GABRA2: variants seen among roughly 807,000 people sequenced by gnomAD.
GABRA2 encodes gamma-aminobutyric acid type A receptor subunit alpha2.
In GABRA2, 16 loss-of-function variants were observed where a neutral mutation model predicts 48.7. That is an observed-to-expected ratio of 0.33 (90% CI 0.22 to 0.50). The LOEUF (loss-of-function observed/expected upper bound fraction) is 0.50, where lower values mean the gene tolerates loss of function less well. Ranked by LOEUF, GABRA2 falls within the 20% of genes least tolerant of loss-of-function variation. The pLI is 0.98. For synonymous variants in GABRA2, 185 were observed against 184.5 expected (o/e 1.00, Z -0.02); for missense variants, 275 against 535.6 (o/e 0.51, Z 4.80).
intron 3 of GABRA2, among the ~76,000 whole-genome samples, chr4:46,342,994 G>C (rs1045469470): frequency 2.0e-5 from 3 of 151,954 alleles, no homozygotes; most frequent in African/African-American, 7.2e-5. Context: ...TATTTATATA[G>C]GGTTAACTAC....
chr4:46,315,289 T>C (rs972912411), intron 4 of GABRA2, among the ~76,000 whole-genome samples: 2 of 151,966 alleles, frequency 1.3e-5, no homozygotes, highest in East Asian at 3.9e-4. Context: ...TCTTCTTTTA[T>C]GCAGTGTCTG....
At chr4:46,313,248 C>T (rs971645343) in intron 4 of GABRA2, among the ~76,000 whole-genome samples, 1 of 150,856 alleles carries the variant, frequency 6.6e-6, no homozygotes, top group Non-Finnish European at 1.5e-5. Context: ...AACACTTAAG[C>T]ACACTTTCAG....
chr4:46,266,203 G>C (rs1044599590), intron 8 of GABRA2, among the ~76,000 whole-genome samples: 6 of 150,334 alleles, frequency 4.0e-5, no homozygotes, highest in Admixed American at 4.0e-4. Context: ...ACATTTTGCT[G>C]ATCTTCTGTC....
chr4:46,329,916 A>G (rs556657817), intron 4 of GABRA2, among the ~76,000 whole-genome samples: 43 of 152,230 alleles, frequency 2.8e-4, no homozygotes, highest in Non-Finnish European at 5.6e-4. Context: ...TTTTTAGGCT[A>G]GATGAATTAA....
rs752693291 is a variant in GABRA2, at chr4:46,386,090, A to G, written c.171T>C (p.Leu57=). The change falls in exon 3 of 10, where the codon CTT becomes CTC. Residue 57 remains leucine (L), a synonymous_variant. Coordinates refer to ENST00000381620, the MANE Select transcript of GABRA2 (RefSeq NM_000807.4). ...TATTTTTACCTCCCAGTCCTGGTCT[A>G]AGCCGATTATCGTAACCATCCAGAA... ...DRLLDGYDNR[L]RPGLGDSITE... 1.2e-6 allele frequency: 2 copies of G among 1,608,390 alleles called. No homozygotes were observed. Among genetic ancestry groups the G allele is most frequent in the South Asian group, 2.2e-5 (2 of 90,616 alleles).
intron 3 of GABRA2, among the ~76,000 whole-genome samples, chr4:46,374,770 G>T (rs113454034): frequency 6.6e-6 from 1 of 151,386 alleles, no homozygotes; most frequent in Non-Finnish European, 1.5e-5. Context: ...TTTTTATTAC[G>T]TTTTAAATCA....
At chr4:46,316,905 C>A (rs1398298809) in intron 4 of GABRA2, among the ~76,000 whole-genome samples, 1 of 151,852 alleles carries the variant, frequency 6.6e-6, no homozygotes, top group African/African-American at 2.4e-5. Flanking sequence ...CTCCAATGCA[C>A]AAGCCCATTT....
chr4:46,263,070 C>A (rs895439401), intron 8 of GABRA2, among the ~76,000 whole-genome samples: 2 of 151,662 alleles, frequency 1.3e-5, no homozygotes, highest in Admixed American at 1.3e-4. Context: ...GACAAATACA[C>A]ACGTACATAT....
chr4:46,339,515 T>G (rs181770375), intron 3 of GABRA2, among the ~76,000 whole-genome samples: 21 of 151,962 alleles, frequency 1.4e-4, no homozygotes, highest in Middle Eastern at 3.4e-3. Flanking sequence ...TCACAGTCAT[T>G]TAAAGTAGAC....
At chr4:46,383,413 A>G (rs550241491) in intron 3 of GABRA2, among the ~76,000 whole-genome samples, 1 of 152,338 alleles carries the variant, frequency 6.6e-6, no homozygotes, top group African/African-American at 2.4e-5. Context: ...TCAGCCAGAT[A>G]TGGGTAGTCC....
At position 46,244,958 on chromosome 4, in the gene GABRA2, C is replaced by T. The variant is rs912659554; in HGVS notation, c.*5350G>A. ...ATGGCTCCCTTATTGAATGAATATT[C>T]CCCAAAAGGCATGAATATAAATTTG... On this transcript the variant is annotated 3_prime_UTR_variant, in exon 10 of 10. Transcript: ENST00000381620. Among the ~76,000 whole-genome samples, 3 of 151,192 alleles carry T rather than the reference C, an allele frequency of 2.0e-5. No homozygotes were observed. The highest frequency in any genetic ancestry group is 7.3e-5 in the African/African-American group (3 of 41,306).
rs1718007241 is a variant in GABRA2 at position 46,389,843 on chromosome 4, G to GAC, written c.-120_-119insGT. ...AGAGAGAGAGAGAGAGAGAGAGAGAGAGAGAGAGAGAGAGAGAGACCGAGA... is the reference window on the plus strand; with the variant it reads ...AGAGAGAGAGAGAGAGAGAGAGAGAGACAGAGAGAGAGAGAGAGAGACCGAGA... On this transcript the variant is annotated 5_prime_UTR_variant, in exon 1 of 10. Coordinates refer to ENST00000381620, the MANE Select transcript of GABRA2 (RefSeq NM_000807.4). 1.0e-6 allele frequency: 1 copy of GAC among 977,920 alleles called. No individual in the cohort carries two copies. Among genetic ancestry groups the GAC allele is most frequent in the African/African-American group, 1.8e-5 (1 of 55,110 alleles). 60.6% of individuals were successfully genotyped at this position (977,920 alleles called of 1,614,324 possible). A position where few individuals can be genotyped will look rare whatever the true frequency, so the allele number is the denominator to read the frequency against.
In GABRA2 at chr4:46,245,934, C is replaced by T. The variant is rs528729330; in HGVS notation, c.*4374G>A. 3.3e-5 allele frequency among the ~76,000 whole-genome samples: 5 copies of T among 151,128 alleles called. No individual in the cohort carries two copies. In the South Asian group the frequency reaches 6.2e-4, roughly 19 times the overall value. Reference sequence around the variant, plus strand: ...AACAAACAAAAATAGAATATTTCAACTTAACAAGATGGAAGACACAGTGGT... The same window carrying T: ...AACAAACAAAAATAGAATATTTCAATTTAACAAGATGGAAGACACAGTGGT... On this transcript the variant is annotated 3_prime_UTR_variant, in exon 10 of 10. Transcript: ENST00000381620.
In GABRA2 at chr4:46,330,585, TATATATAG is replaced by T. The variant is rs1320496383; in HGVS notation, c.255+2022_255+2029del. Among the ~76,000 whole-genome samples, 80 of 117,666 alleles carry T rather than the reference TATATATAG, an allele frequency of 6.8e-4. 1 individual carries two copies. The highest frequency in any genetic ancestry group is 1.1e-3 in the Non-Finnish European group (60 of 54,286). The allele number at this position is 117,666 out of a possible 152,430, so 77.2% of individuals were successfully genotyped here. A position where few individuals can be genotyped will look rare whatever the true frequency, so the allele number is the denominator to read the frequency against. Reference sequence around the variant, plus strand: ...ATGCATATATATATATATATATATATATATATAGAGAGAGAGAGAGAGAGATGTTTTAG... The same window carrying T: ...ATGCATATATATATATATATATATATAGAGAGAGAGAGAGAGATGTTTTAG... On this transcript the variant is annotated intron_variant, in intron 4 of 9. Transcript: ENST00000381620.
Position 46,388,639 on chromosome 4 carries a change from G to T in GABRA2, c.68C>A (p.Ala23Asp). ...TCAAATACAATAAATATCTCACCTG[G>T]CAGGGTCCCACACCAAGAAAACAAA... The part of the protein sequence containing the change: ...LLFVFLVWDP[A>D]RLVLANIQED... Residue 23 changes from alanine (A) to aspartate (D), a missense_variant, in exon 2 of 10, where the codon GCC becomes GAC. By Grantham distance (126) the Ala-to-Asp change is moderately radical. Coordinates refer to ENST00000381620, the MANE Select transcript of GABRA2 (RefSeq NM_000807.4). The T allele has an allele frequency of 6.2e-7, 1 of 1,613,860 alleles. No homozygotes were observed. Among genetic ancestry groups the T allele is most frequent in the East Asian group, 2.2e-5 (1 of 44,846 alleles).
intron 8 of GABRA2, among the ~76,000 whole-genome samples, chr4:46,300,838 T>G (rs1380494667): frequency 6.6e-6 from 1 of 152,234 alleles, no homozygotes; most frequent in South Asian, 2.1e-4. Flanking sequence ...TCTTTCTTCC[T>G]TTTTATACTG....
At chr4:46,302,667 TA>T (rs1008817321) in intron 8 of GABRA2, 3 of 152,180 alleles carry the variant, frequency 2.0e-5, no homozygotes, top group African/African-American at 7.2e-5. Context: ...ATTCTCCTTA[TA>T]GGGGGCTCCA....
intron 9 of GABRA2, among the ~76,000 whole-genome samples, chr4:46,253,639 A>G (rs1307395427): frequency 2.0e-5 from 3 of 151,544 alleles, no homozygotes; most frequent in Admixed American, 1.3e-4. Context: ...TTGGCTTCAA[A>G]GTGCTCTCTT....
chr4:46,330,816 T>C (rs975390373), intron 4 of GABRA2, among the ~76,000 whole-genome samples: 2 of 152,124 alleles, frequency 1.3e-5, no homozygotes, highest in Admixed American at 1.3e-4. Flanking sequence ...TATAATATGC[T>C]AATTTCTCAA....
Sources: gnomAD v4.1 joint callset for allele counts (sites outside exome capture counted in the v4.1 genomes callset) on GRCh38, gnomAD v4.1.1 for gene constraint, MANE v1.5 for transcripts, NCBI Gene and HGNC (gene_info 2026-07-23, HGNC 2026-07-21) for gene names.